Variants in NCOR1 observed in about 807,000 individuals in gnomAD.
NCOR1 encodes protein phosphatase 1, regulatory subunit 109.
Under a neutral mutation model 288.1 loss-of-function variants are expected in NCOR1, and 63 were observed. That is an observed-to-expected ratio of 0.22 (90% CI 0.18 to 0.27). NCOR1 has a LOEUF of 0.27. NCOR1 is among the 10% of genes least tolerant of loss of function. The pLI is 1.00. For synonymous variants in NCOR1, 1,007 were observed against 1,065.9 expected, an observed-to-expected ratio of 0.94 and a Z score of 1.08; for missense variants, 2,397 against 3,019.2, an observed-to-expected ratio of 0.79 and a Z score of 4.83.
At chr17:16,072,900 A>G (rs992925038) in intron 28 of NCOR1, among the ~76,000 whole-genome samples, 1 of 152,226 alleles carries the variant, frequency 6.6e-6, no homozygotes, top group Admixed American at 6.5e-5. Flanking sequence ...TACTGAAGCC[A>G]TATCACATGA....
intron 13 of NCOR1, 94 bp downstream of exon 13, chr17:16,138,064 T>C: frequency 2.1e-6 from 2 of 955,088 alleles, no homozygotes; most frequent in Middle Eastern, 2.2e-4. Context: ...TAAAATCGGT[T>C]CTAGTTAACT....
intron 18 of NCOR1, among the ~76,000 whole-genome samples, chr17:16,113,371 C>CA (rs2070756640): frequency 1.3e-5 from 2 of 152,058 alleles, no homozygotes; most frequent in Non-Finnish European, 2.9e-5. Flanking sequence ...ATGATCTAAT[C>CA]TGTGGATTAC....
intron 16 of NCOR1, among the ~76,000 whole-genome samples, chr17:16,120,378 C>A (rs1394716799): frequency 3.3e-5 from 5 of 152,070 alleles, no homozygotes; most frequent in Non-Finnish European, 5.9e-5. Context: ...TCAAACAAGG[C>A]CCATCATGAC....
At chr17:16,044,107 T>C (rs760228980) in intron 42 of NCOR1, among the ~76,000 whole-genome samples, 3 of 140,064 alleles carry the variant, frequency 2.1e-5, no homozygotes, top group Non-Finnish European at 4.5e-5. Flanking sequence ...AGGCGGAGGT[T>C]GCGGTGAGCC....
intron 2 of NCOR1, among the ~76,000 whole-genome samples, chr17:16,192,433 A>T (rs2088639486): frequency 6.6e-6 from 1 of 152,218 alleles, no homozygotes; most frequent in African/African-American, 2.4e-5. Context: ...AGGAGGGTGG[A>T]TCACCTGAGG....
chr17:16,057,982 G>C lies in NCOR1; in HGVS notation c.6093C>G (p.Pro2031=), dbSNP rs2060122139. 6.2e-7 allele frequency: 1 copy of C among 1,614,042 alleles called. No individual in the cohort carries two copies. The highest frequency in any genetic ancestry group is 8.5e-7 in the Non-Finnish European group (1 of 1,180,026). ...CCATTCCCTCTGCCTGTGAAGAAGG[G>C]GGCAGCTGTTGTTGGGGAGATGGTG... The part of the protein sequence containing the change: ...QESPSPQQQL[P]PSSQAEGMGQ... The change falls in exon 39 of 46, where the codon CCC becomes CCG. Residue 2031 remains proline, a synonymous_variant. Transcript: ENST00000268712.
At chr17:16,111,872 T>TTA (rs2070297199) in intron 18 of NCOR1, among the ~76,000 whole-genome samples, 2 of 129,694 alleles carry the variant, frequency 1.5e-5, no homozygotes, top group South Asian at 4.9e-4. Flanking sequence ...ATTTATTTAT[T>TTA]TTTATTTTTA....
At chr17:16,041,231 A>G (rs754788176) in intron 42 of NCOR1, 1 of 152,222 alleles carries the variant, frequency 6.6e-6, no homozygotes, top group Non-Finnish European at 1.5e-5. Context: ...TGATAACAGC[A>G]TAAGACCTGG....
intron 1 of NCOR1, 38 bp downstream of exon 1, chr17:16,215,324 C>T (rs1308540868): frequency 2.6e-6 from 1 of 391,288 alleles, no homozygotes. Context: ...CTAGCAGGAG[C>T]CCGGAGGCCG....
At chr17:16,105,318 G>A (rs2068398756) in intron 19 of NCOR1, among the ~76,000 whole-genome samples, 2 of 152,174 alleles carry the variant, frequency 1.3e-5, no homozygotes, top group Admixed American at 1.3e-4. Context: ...TTGGGGGGAT[G>A]AGGTGGGAAA....
At chr17:16,044,348 G>A in intron 42 of NCOR1, 1 of 465,466 alleles carries the variant, frequency 2.1e-6, no homozygotes, top group Non-Finnish European at 4.4e-6. Flanking sequence ...TTTCCTTGGT[G>A]TTCAACATTT....
chr17:16,153,277 C>T (rs2153388879), intron 7 of NCOR1, 62 bp downstream of exon 7: 11 of 1,212,536 alleles, frequency 9.1e-6, no homozygotes, highest in Non-Finnish European at 1.3e-5. Flanking sequence ...CATCTTATCC[C>T]AAGAAAAACT....
intron 3 of NCOR1, among the ~76,000 whole-genome samples, chr17:16,177,332 G>A (rs761204833): frequency 8.6e-5 from 13 of 150,678 alleles, no homozygotes; most frequent in Admixed American, 5.3e-4. Flanking sequence ...TAGCACTTAC[G>A]AGGCATGCTC....
intron 1 of NCOR1, among the ~76,000 whole-genome samples, chr17:16,210,382 C>T (rs539359533): frequency 6.6e-5 from 10 of 152,178 alleles, no homozygotes; most frequent in African/African-American, 2.4e-4. Flanking sequence ...GAAACGCTGC[C>T]TCAAAAATAA....
intron 8 of NCOR1, among the ~76,000 whole-genome samples, chr17:16,150,443 T>C (rs927985761): frequency 2.6e-5 from 4 of 152,178 alleles, no homozygotes; most frequent in African/African-American, 9.7e-5. Flanking sequence ...AAAGGTGTCG[T>C]ACAGGGAAGC....
chr17:16,091,991 T>A lies in NCOR1; in HGVS notation c.2888A>T (p.His963Leu). 1 of 1,614,222 alleles carries A rather than the reference T, an allele frequency of 6.2e-7. No individual in the cohort carries two copies. Among genetic ancestry groups the A allele is most frequent in the Non-Finnish European group, 8.5e-7 (1 of 1,180,020 alleles). Residue 963 changes from histidine to leucine, a missense_variant, in exon 22 of 46, where the codon CAC (histidine) becomes CTC (leucine). Coordinates refer to ENST00000268712, the MANE Select transcript of NCOR1 (RefSeq NM_006311.4). ...TGCTGACTCATGCATTGCTTTAATG[T>A]GTCGCTGGTAGAGAGCATAGCCGCT... ...PVSGYALYQR[H>L]IKAMHESALL...
intron 39 of NCOR1, 79 bp from the exon 40 acceptor site, chr17:16,057,816 T>C: frequency 6.8e-7 from 1 of 1,476,432 alleles, no homozygotes. Flanking sequence ...AATCTAGATA[T>C]CTTTATTATA....
At chr17:16,171,692 T>C in intron 4 of NCOR1, 111 bp downstream of exon 4, 1 of 1,002,140 alleles carries the variant, frequency 1.0e-6, no homozygotes, top group Non-Finnish European at 1.3e-6. Flanking sequence ...CCCATACCAC[T>C]AACCTTTAGA....
intron 17 of NCOR1, among the ~76,000 whole-genome samples, 159 bp from the exon 18 acceptor site, chr17:16,118,186 T>G (rs1301339258): frequency 6.6e-6 from 1 of 152,228 alleles, no homozygotes; most frequent in East Asian, 1.9e-4. Context: ...ATAAAAATAC[T>G]TATTGAAACA....
Sources: gnomAD v4.1 joint callset for allele counts (sites outside exome capture counted in the v4.1 genomes callset) on GRCh38, gnomAD v4.1.1 for gene constraint, MANE v1.5 for transcripts, NCBI Gene and HGNC (gene_info 2026-07-23, HGNC 2026-07-21) for gene names.